EYA4: variants seen among roughly 807,000 people sequenced by gnomAD.
EYA4 encodes the protein EYA transcriptional coactivator and phosphatase 4, also known as protein phosphatase EYA4.
In EYA4, 31 loss-of-function variants were observed where a neutral mutation model predicts 87.9. The observed-to-expected ratio is 0.35, with a 90% CI of 0.27 to 0.48. The LOEUF is 0.48. Ranked by LOEUF, EYA4 falls within the 20% of genes least tolerant of loss-of-function variation. The pLI is 0.99. For missense variants in EYA4, 678 were observed against 761.4 expected, an observed-to-expected ratio of 0.89 and a Z score of 1.29; for synonymous variants, 263 against 270.6, an observed-to-expected ratio of 0.97 and a Z score of 0.28.
chr6:133,483,069 T>G lies in EYA4; in HGVS notation c.1145T>G (p.Val382Gly). Residue 382 changes from valine to glycine, a missense_variant, in exon 13 of 20, where the codon GTT becomes GGT. Coordinates refer to ENST00000355286, the MANE Select transcript of EYA4 (RefSeq NM_004100.5). ...TGGGATTTGGATGAAACCATCATTG[T>G]TTTTCACTCACTGCTCACCGGGTCT... ...FVWDLDETII[V>G]FHSLLTGSYA... 1 of 1,613,450 alleles carries G rather than the reference T, an allele frequency of 6.2e-7. No individual in the cohort carries two copies. Among genetic ancestry groups the G allele is most frequent in the South Asian group, 1.1e-5 (1 of 91,026 alleles).
chr6:133,241,073 G>C (rs1773903279), upstream of EYA4, among the ~76,000 whole-genome samples: 1 of 152,158 alleles, frequency 6.6e-6, no homozygotes, highest in Non-Finnish European at 1.5e-5. Flanking sequence ...AGGGCACGGA[G>C]ATTACGGCGG....
chr6:133,407,380 G>A (rs1288423728), intron 3 of EYA4, among the ~76,000 whole-genome samples: 1 of 151,998 alleles, frequency 6.6e-6, no homozygotes. Context: ...AGGATAGGAG[G>A]AGAAGGCGAT....
At chr6:133,431,024 CTG>C (rs1182298890) in intron 3 of EYA4, among the ~76,000 whole-genome samples, 1 of 152,150 alleles carries the variant, frequency 6.6e-6, no homozygotes, top group Non-Finnish European at 1.5e-5. Context: ...GCTGGGAGAA[CTG>C]TGTTCCTGGG....
intron 11 of EYA4, among the ~76,000 whole-genome samples, chr6:133,477,660 A>G (rs1215560875): frequency 1.3e-5 from 2 of 152,008 alleles, no homozygotes; most frequent in Admixed American, 6.6e-5. Flanking sequence ...AGTATAGCCA[A>G]ATGGTTAAAG....
intron 1 of EYA4, among the ~76,000 whole-genome samples, chr6:133,242,288 T>C (rs1464624378): frequency 6.6e-6 from 1 of 152,198 alleles, no homozygotes; most frequent in Non-Finnish European, 1.5e-5. Context: ...CTTTAAAGGC[T>C]CGCGTTCTAA....
intron 5 of EYA4, among the ~76,000 whole-genome samples, chr6:133,451,967 A>G (rs1174619015): frequency 3.3e-5 from 5 of 152,150 alleles, no homozygotes; most frequent in Non-Finnish European, 7.4e-5. Flanking sequence ...TTTTTTTTAG[A>G]ATAAAAGTCA....
intron 1 of EYA4, among the ~76,000 whole-genome samples, chr6:133,272,406 A>G (rs1016817780): frequency 6.6e-6 from 1 of 152,186 alleles, no homozygotes; most frequent in Non-Finnish European, 1.5e-5. Flanking sequence ...CTGATCACAT[A>G]TATGCTACTT....
intron 3 of EYA4, among the ~76,000 whole-genome samples, chr6:133,436,245 T>C (rs1791668437): frequency 6.6e-6 from 1 of 151,832 alleles, no homozygotes; most frequent in Non-Finnish European, 1.5e-5. Context: ...AAAAGAAATT[T>C]CCACATGCAT....
At chr6:133,302,967 C>G (rs9399058) in intron 2 of EYA4, among the ~76,000 whole-genome samples, 30,772 of 152,070 alleles carry the variant, frequency 0.2, 3,305 homozygotes, top group African/African-American at 0.27. Flanking sequence ...TCAGTTGCAG[C>G]TGCTTAACTC....
At chr6:133,384,999 T>C (rs969443450) in intron 3 of EYA4, among the ~76,000 whole-genome samples, 1 of 152,160 alleles carries the variant, frequency 6.6e-6, no homozygotes, top group Admixed American at 6.5e-5. Flanking sequence ...CATTCTTTTT[T>C]GCTCATTAAG....
intron 2 of EYA4, among the ~76,000 whole-genome samples, chr6:133,308,209 T>TA (rs1779954823): frequency 6.6e-6 from 1 of 152,186 alleles, no homozygotes; most frequent in African/African-American, 2.4e-5. Flanking sequence ...AATGGACTAA[T>TA]ACAGCTAGTG....
intron 2 of EYA4, among the ~76,000 whole-genome samples, chr6:133,351,247 C>T (rs991764007): frequency 2.6e-5 from 4 of 152,096 alleles, no homozygotes; most frequent in African/African-American, 4.8e-5. Context: ...TGAATGTGTC[C>T]GGTATTTAGT....
chr6:133,373,579 C>G (rs1487188005), intron 2 of EYA4, among the ~76,000 whole-genome samples: 2 of 151,958 alleles, frequency 1.3e-5, no homozygotes, highest in African/African-American at 2.4e-5. Flanking sequence ...GAAGATTCTA[C>G]CAAATTAACA....
chr6:133,456,757 A>T (rs904819747), intron 6 of EYA4, 109 bp downstream of exon 6: 1 of 719,834 alleles, frequency 1.4e-6, no homozygotes, highest in African/African-American at 1.8e-5. Flanking sequence ...TTTGATCCTT[A>T]TAAAGTTAGA....
At chr6:133,528,631 T>G in intron 19 of EYA4, 94 bp from the exon 20 acceptor site, 1 of 922,442 alleles carries the variant, frequency 1.1e-6, no homozygotes, top group Non-Finnish European at 1.8e-6. Context: ...TCCCTGTGTG[T>G]GCTGCTGCTT....
At chr6:133,281,278 T>A (rs1201383877) in intron 2 of EYA4, among the ~76,000 whole-genome samples, 1 of 152,208 alleles carries the variant, frequency 6.6e-6, no homozygotes, top group Non-Finnish European at 1.5e-5. Context: ...CTTGATAGTG[T>A]CCTTTGATGC....
rs549212995 is a variant in EYA4 at position 133,499,168 on chromosome 6, G to A, written c.1192-6938G>A. 5.5e-4 allele frequency among the ~76,000 whole-genome samples: 83 copies of A among 152,174 alleles called. 1 individual carries two copies. The highest frequency in any genetic ancestry group is 6.8e-3 in the Middle Eastern group (2 of 294). ...TTAATCTCATATCTTGAGAAGGTGGGGGATTAGAACATTAACTTACCTTAA... is the reference window on the plus strand; with the variant it reads ...TTAATCTCATATCTTGAGAAGGTGGAGGATTAGAACATTAACTTACCTTAA... On this transcript the variant is annotated intron_variant, in intron 13 of 19. Coordinates refer to ENST00000355286, the MANE Select transcript of EYA4 (RefSeq NM_004100.5).
intron 2 of EYA4, among the ~76,000 whole-genome samples, chr6:133,298,899 CT>C (rs1292806219): frequency 1.3e-5 from 2 of 152,184 alleles, no homozygotes; most frequent in Non-Finnish European, 2.9e-5. Context: ...GCACCCTTTG[CT>C]TTAAGGTCCA....
At chr6:133,487,531 T>A (rs1796784253) in intron 13 of EYA4, among the ~76,000 whole-genome samples, 1 of 152,156 alleles carries the variant, frequency 6.6e-6, no homozygotes, top group African/African-American at 2.4e-5. Flanking sequence ...GCAACTTGGA[T>A]ACTAACTCAG....
Sources: allele counts gnomAD v4.1 joint callset (sites outside exome capture counted in the v4.1 genomes callset), GRCh38; gene constraint gnomAD v4.1.1; transcripts MANE v1.5; gene names NCBI Gene and HGNC (gene_info 2026-07-23, HGNC 2026-07-21).